The following FGD5 variants were observed in gnomAD, a reference collection of about 807,000 sequenced individuals.
FGD5 encodes the protein FYVE, RhoGEF and PH domain-containing protein 5.
Under a neutral mutation model 133.4 loss-of-function variants are expected in FGD5, and 28 were observed. The ratio of observed to expected loss-of-function variants is 0.21; its 90% CI spans 0.16 to 0.29. The LOEUF (loss-of-function observed/expected upper bound fraction) is 0.29. Ranked by LOEUF, FGD5 falls within the 10% of genes least tolerant of loss-of-function variation. The pLI is 1.00. For synonymous variants in FGD5, 810 were observed against 776.5 expected (o/e 1.04, Z -0.72); for missense variants, 1,858 against 1,895.2 (o/e 0.98, Z 0.36).
chr3:14,893,283 C>T (rs893250102), intron 4 of FGD5, among the ~76,000 whole-genome samples: 4 of 152,046 alleles, frequency 2.6e-5, no homozygotes, highest in Non-Finnish European at 4.4e-5. Context: ...TATTTATCAC[C>T]TTAAATATTT....
At chr3:14,845,720 C>T (rs2037038365) in intron 1 of FGD5, among the ~76,000 whole-genome samples, 1 of 152,164 alleles carries the variant, frequency 6.6e-6, no homozygotes, top group African/African-American at 2.4e-5. Context: ...TAGTCATCCC[C>T]CCACAGGTCT....
At chr3:14,833,252 T>C (rs1041347765) in intron 1 of FGD5, among the ~76,000 whole-genome samples, 2 of 152,134 alleles carry the variant, frequency 1.3e-5, no homozygotes, top group Non-Finnish European at 2.9e-5. Flanking sequence ...TTTTTCGGGA[T>C]GATGTGACTG....
intron 1 of FGD5, among the ~76,000 whole-genome samples, chr3:14,836,547 C>T (rs753079352): frequency 7.9e-5 from 12 of 152,280 alleles, no homozygotes; most frequent in Non-Finnish European, 1.3e-4. Flanking sequence ...AGCCTTTGCC[C>T]GACTTTTGAG....
intron 13 of FGD5, among the ~76,000 whole-genome samples, chr3:14,919,440 A>C (rs1454499605): frequency 6.6e-6 from 1 of 152,084 alleles, no homozygotes; most frequent in Non-Finnish European, 1.5e-5. Context: ...AACACAGTGA[A>C]ACCCCGTCTC....
intron 9 of FGD5, among the ~76,000 whole-genome samples, chr3:14,904,699 G>A (rs2038306162): frequency 6.6e-6 from 1 of 152,076 alleles, no homozygotes. Context: ...CTGGTAATGT[G>A]GTATCATTTC....
Position 14,820,177 on chromosome 3 carries a change from C to T in FGD5, c.1106C>T (p.Ala369Val), listed in dbSNP as rs750750392. The T allele has an allele frequency of 1.1e-5, 18 of 1,613,804 alleles. No homozygotes were observed. Among genetic ancestry groups the T allele is most frequent in the Admixed American group, 1.7e-5 (1 of 60,018 alleles). ...AGCTGTTCTCCTCTTTCTGAATCAG[C>T]GAAAGGTTTAGAATCAGAGCAGGCA... ...SESCSPLSES[A>V]KGLESEQAPK... The change falls in exon 1 of 20, where the codon GCG becomes GTG. Residue 369 changes from alanine (A) to valine (V), a missense_variant. Ala to Val is a moderately conservative substitution (Grantham distance 64). Transcript: ENST00000285046.
chr3:14,916,627 C>T (rs1559504976), intron 11 of FGD5, among the ~76,000 whole-genome samples: 1 of 152,188 alleles, frequency 6.6e-6, no homozygotes, highest in Non-Finnish European at 1.5e-5. Flanking sequence ...GTGTATATCA[C>T]AGTGTAACCA....
In FGD5 at chr3:14,922,040, C is replaced by T. The variant is rs753969634; in HGVS notation, c.3669+23C>T. Reference sequence around the variant, plus strand: ...GAGGTGAGTGGGTGGGCAGGGCCCACGGGCCACCAGCTTCAGAGACCTGGG... The same window carrying T: ...GAGGTGAGTGGGTGGGCAGGGCCCATGGGCCACCAGCTTCAGAGACCTGGG... On this transcript the variant is annotated intron_variant, in intron 14 of 19. Transcript: ENST00000285046. The surrounding 1 kb of genome is among the most constrained non-coding windows in gnomAD (Gnocchi z 4.1). 1.0e-4 allele frequency: 155 copies of T among 1,551,408 alleles called. No individual in the cohort carries two copies. Among genetic ancestry groups the T allele is most frequent in the Non-Finnish European group, 1.3e-4 (150 of 1,146,888 alleles).
chr3:14,882,698 A>G (rs75244004), intron 4 of FGD5, among the ~76,000 whole-genome samples: 11 of 79,522 alleles, frequency 1.4e-4, no homozygotes, highest in South Asian at 4.0e-4. Flanking sequence ...ACTCTGTCTG[A>G]AAAAAAAAAA....
At chr3:14,863,857 T>C (rs140385906) in intron 1 of FGD5, among the ~76,000 whole-genome samples, 1 of 152,298 alleles carries the variant, frequency 6.6e-6, no homozygotes, top group Non-Finnish European at 1.5e-5. Context: ...TCCTGAGTTA[T>C]TCGGGCCTTC....
At position 14,903,032 on chromosome 3, in the gene FGD5, G is replaced by T. The variant is rs1190693513; in HGVS notation, c.3264+1971G>T. On this transcript the variant is annotated intron_variant, in intron 9 of 19. Transcript: ENST00000285046. The stretch of plus-strand genomic sequence containing the variant: ...GACCAGAGGCCCCTAGCCCATGCCT[G>T]CTTGGATTGGGGAGGAGCTCTGCCT... 7.9e-5 allele frequency among the ~76,000 whole-genome samples: 12 copies of T among 152,326 alleles called. No homozygotes were observed. The East Asian group carries it at 2.3e-3, about 29-fold the overall frequency.
At chr3:14,867,245 A>G (rs1254540607) in intron 2 of FGD5, among the ~76,000 whole-genome samples, 3 of 152,236 alleles carry the variant, frequency 2.0e-5, no homozygotes, top group Non-Finnish European at 2.9e-5. Flanking sequence ...ATATCAAACT[A>G]TAAGAAACCT....
At position 14,897,948 on chromosome 3, in the gene FGD5, G is replaced by C. The variant is rs1215424932; in HGVS notation, c.2919G>C (p.Gln973His). The change falls in exon 6 of 20, where the codon CAG becomes CAC. Residue 973 changes from glutamine to histidine, a missense_variant. Transcript: ENST00000285046. ...CCATTCCTGGCTGCAGGGAGAGCCA[G>C]CAGAAGGTAGCTGACGTCTTCCTGG... ...LEERLSNWES[Q>H]QKVADVFLAR... The C allele has an allele frequency of 6.2e-7, 1 of 1,613,970 alleles. No individual in the cohort carries two copies.
intron 10 of FGD5, among the ~76,000 whole-genome samples, chr3:14,909,761 C>CTT (rs201883392): frequency 1.5e-5 from 2 of 137,496 alleles, no homozygotes; most frequent in Non-Finnish European, 3.1e-5. Context: ...CTTTTCTTTT[C>CTT]TTTTTTTTTT....
At chr3:14,915,102 G>A (rs553948620) in intron 11 of FGD5, among the ~76,000 whole-genome samples, 2 of 152,230 alleles carry the variant, frequency 1.3e-5, no homozygotes, top group Non-Finnish European at 1.5e-5. Flanking sequence ...GCGGAGGCCT[G>A]AAGCATTCCA....
At chr3:14,881,446 A>G (rs895009402) in intron 4 of FGD5, among the ~76,000 whole-genome samples, 1 of 152,240 alleles carries the variant, frequency 6.6e-6, no homozygotes. Flanking sequence ...GCCCTTCCCC[A>G]GGAGCTGTCT....
chr3:14,929,944 A>G (rs979593041), intron 18 of FGD5, among the ~76,000 whole-genome samples: 4 of 152,216 alleles, frequency 2.6e-5, no homozygotes, highest in Admixed American at 1.3e-4. Flanking sequence ...CGCAAGCTAC[A>G]AAGTTATTTT....
chr3:14,828,252 A>C (rs1336557111), intron 1 of FGD5, among the ~76,000 whole-genome samples: 1 of 152,176 alleles, frequency 6.6e-6, no homozygotes. Context: ...CAGGACCCAA[A>C]GAGTAGGAGT....
At chr3:14,894,516 T>C (rs2038094985) in intron 4 of FGD5, among the ~76,000 whole-genome samples, 2 of 150,994 alleles carry the variant, frequency 1.3e-5, no homozygotes, top group African/African-American at 4.9e-5. Context: ...TTTTTTTTTT[T>C]TTTTTTTTTC....
Sources: allele counts gnomAD v4.1 joint callset (sites outside exome capture counted in the v4.1 genomes callset), GRCh38; gene constraint gnomAD v4.1.1; non-coding constraint Gnocchi (gnomAD v3.1); transcripts MANE v1.5; gene names NCBI Gene and HGNC (gene_info 2026-07-23, HGNC 2026-07-21).